GLIS3: variants seen among roughly 807,000 people sequenced by gnomAD.
GLIS3 encodes zinc finger protein GLIS3.
A neutral mutation model predicts 78.6 loss-of-function variants in GLIS3; 53 were observed. The observed-to-expected ratio is 0.67, with a 90% CI of 0.54 to 0.85. The LOEUF is 0.85. Ranked by LOEUF, GLIS3 falls within the 40% of genes least tolerant of loss-of-function variation. GLIS3 has a pLI of 0.00. For synonymous variants in GLIS3, 684 were observed against 509.9 expected, an observed-to-expected ratio of 1.34 and a Z score of -4.60; for missense variants, 1,703 against 1,231.1, an observed-to-expected ratio of 1.38 and a Z score of -5.74.
chr9:4,472,707 G>A, the GLIS3 span, among the ~76,000 whole-genome samples: 1 of 151,996 alleles, frequency 6.6e-6, no homozygotes, highest in African/African-American at 2.4e-5. Context: ...GTACACCTAT[G>A]TAACAAACCT....
intron 4 of GLIS3, among the ~76,000 whole-genome samples, chr9:4,111,632 T>G (rs1339480800): frequency 6.6e-6 from 1 of 152,254 alleles, no homozygotes; most frequent in African/African-American, 2.4e-5. Context: ...CTAAGGGATT[T>G]GTAATTTATG....
At chr9:4,385,557 C>T in the GLIS3 span, among the ~76,000 whole-genome samples, 12 of 150,120 alleles carry the variant, frequency 8.0e-5, no homozygotes, top group African/African-American at 2.0e-4. Flanking sequence ...CCCAGCTACT[C>T]GGGAGGCCGA....
chr9:4,293,096 G>C (rs1816167059), intron 1 of GLIS3, among the ~76,000 whole-genome samples: 1 of 152,152 alleles, frequency 6.6e-6, no homozygotes, highest in Non-Finnish European at 1.5e-5. Flanking sequence ...CCTCACACAA[G>C]AGGGTACATA....
At chr9:4,428,568 G>A in the GLIS3 span, among the ~76,000 whole-genome samples, 2 of 151,008 alleles carry the variant, frequency 1.3e-5, no homozygotes, top group South Asian at 2.1e-4. Flanking sequence ...GCTATTATGT[G>A]TGGTTTCAGA....
chr9:4,157,174 G>C (rs1835102344), intron 2 of GLIS3, among the ~76,000 whole-genome samples: 1 of 152,204 alleles, frequency 6.6e-6, no homozygotes, highest in Non-Finnish European at 1.5e-5. Context: ...GCTAGGCTCT[G>C]CAGCAATGGG....
At chr9:4,231,344 G>A (rs62541789) in intron 2 of GLIS3, among the ~76,000 whole-genome samples, 1,702 of 152,268 alleles carry the variant, frequency 0.011, 12 homozygotes, top group Non-Finnish European at 0.017. Flanking sequence ...TACCTAAGAG[G>A]AAGCATGGGA....
At chr9:4,032,391 T>C (rs1273345722) in intron 4 of GLIS3, among the ~76,000 whole-genome samples, 1 of 152,142 alleles carries the variant, frequency 6.6e-6, no homozygotes, top group African/African-American at 2.4e-5. Context: ...CTATAAAAAT[T>C]ACAAAATGCA....
chr9:4,302,629 G>A (rs1465848268), upstream of GLIS3, among the ~76,000 whole-genome samples: 1 of 152,232 alleles, frequency 6.6e-6, no homozygotes, highest in Admixed American at 6.5e-5. Context: ...AAGCAAAGAA[G>A]TTGAAGCTCA....
the GLIS3 span, among the ~76,000 whole-genome samples, chr9:4,393,454 G>C: frequency 6.6e-6 from 1 of 152,072 alleles, no homozygotes; most frequent in Admixed American, 6.5e-5. Flanking sequence ...GCTAATCCAC[G>C]TTCCATATCC....
chr9:4,117,011 T>C (rs1177936353), intron 4 of GLIS3, among the ~76,000 whole-genome samples: 5 of 152,062 alleles, frequency 3.3e-5, no homozygotes, highest in Admixed American at 2.6e-4. Flanking sequence ...AAATAGTAAA[T>C]TTTGCCAAGA....
At chr9:3,889,689 G>A (rs1246971113) in intron 7 of GLIS3, among the ~76,000 whole-genome samples, 1 of 152,192 alleles carries the variant, frequency 6.6e-6, no homozygotes, top group African/African-American at 2.4e-5. Context: ...TTGTTGCAAA[G>A]GAGCAGACAG....
At chr9:4,378,441 C>T in the GLIS3 span, among the ~76,000 whole-genome samples, 1 of 151,738 alleles carries the variant, frequency 6.6e-6, no homozygotes, top group Non-Finnish European at 1.5e-5. Flanking sequence ...TTTCTTTCAC[C>T]CTCTCAGTCC....
At chr9:3,976,843 A>AAAAAAAAC (rs1818842174) in intron 4 of GLIS3, among the ~76,000 whole-genome samples, 1 of 112,374 alleles carries the variant, frequency 8.9e-6, no homozygotes, top group Non-Finnish European at 1.8e-5. Flanking sequence ...AAAAAAAAAA[A>AAAAAAAAC]TCCACAATCG....
At chr9:4,004,328 A>C (rs1168828182) in intron 4 of GLIS3, among the ~76,000 whole-genome samples, 2 of 152,212 alleles carry the variant, frequency 1.3e-5, no homozygotes, top group Non-Finnish European at 2.9e-5. Flanking sequence ...TTCTCAGTAA[A>C]GAAAATAACA....
intron 2 of GLIS3, among the ~76,000 whole-genome samples, chr9:4,154,494 T>G (rs1363169325): frequency 1.3e-5 from 2 of 152,202 alleles, no homozygotes; most frequent in African/African-American, 4.8e-5. Context: ...CAAAAATATT[T>G]TAGCTCAAAA....
chr9:4,357,560 C>CGTGTGTGT, the GLIS3 span, among the ~76,000 whole-genome samples: 1 of 100,134 alleles, frequency 1.0e-5, no homozygotes, highest in Non-Finnish European at 2.0e-5. Context: ...TGAACTAATT[C>CGTGTGTGT]CTGTGTGTGT....
At chr9:3,997,070 G>A (rs996805998) in intron 4 of GLIS3, among the ~76,000 whole-genome samples, 21 of 152,272 alleles carry the variant, frequency 1.4e-4, no homozygotes, top group African/African-American at 3.9e-4. Context: ...AGTTGCGGCC[G>A]GGCGCGGTGG....
intron 1 of GLIS3, among the ~76,000 whole-genome samples, chr9:4,294,058 T>G (rs927049290): frequency 6.6e-6 from 1 of 152,194 alleles, no homozygotes; most frequent in Non-Finnish European, 1.5e-5. Context: ...TCCCTCCTCC[T>G]TTATTTTGTT....
intron 2 of GLIS3, among the ~76,000 whole-genome samples, chr9:4,340,128 T>C (rs1817813784): frequency 6.6e-6 from 1 of 151,888 alleles, no homozygotes; most frequent in African/African-American, 2.4e-5. Flanking sequence ...TCTCTGGATC[T>C]ATTCCCTTTT....
Sources: allele counts gnomAD v4.1 joint callset (sites outside exome capture counted in the v4.1 genomes callset), GRCh38; gene constraint gnomAD v4.1.1; transcripts MANE v1.5; gene names NCBI Gene and HGNC (gene_info 2026-07-23, HGNC 2026-07-21).